TRIP12: variants seen among roughly 807,000 people sequenced by gnomAD.
TRIP12 encodes the protein E3 ubiquitin-protein ligase TRIP12.
A neutral mutation model predicts 244.2 loss-of-function variants in TRIP12; 25 were observed. That is an observed-to-expected ratio of 0.10 (90% CI 0.07 to 0.14). The LOEUF is 0.14. Among genes scored for constraint, TRIP12 ranks in the 10% least tolerant of loss-of-function variants. TRIP12 has a pLI of 1.00. For synonymous variants in TRIP12, 905 were observed against 873.1 expected (o/e 1.04, Z -0.64); for missense variants, 1,677 against 2,486.4 (o/e 0.67, Z 6.92).
At chr2:229,820,283 TC>T (rs1279521243) in intron 8 of TRIP12, among the ~76,000 whole-genome samples, 2 of 151,772 alleles carry the variant, frequency 1.3e-5, no homozygotes, top group Non-Finnish European at 2.9e-5. Flanking sequence ...AGGACATGGA[TC>T]TTATACAGCA....
chr2:229,778,435 A>G lies in TRIP12; in HGVS notation c.5362T>C (p.Leu1788=). 1 of 1,613,980 alleles carries G rather than the reference A, an allele frequency of 6.2e-7. No individual in the cohort carries two copies. The highest frequency in any genetic ancestry group is 2.2e-5 in the East Asian group (1 of 44,878). Residue 1788 remains leucine, a splice_region_variant and synonymous_variant, in exon 36 of 42, where the codon TTG becomes CTG. Coordinates refer to ENST00000675903, the MANE Select transcript of TRIP12 (RefSeq NM_001348323.3). The surrounding 1 kb of genome is among the most constrained non-coding windows in gnomAD (Gnocchi z 4.1). The part of the protein sequence containing the change: ...LMAKAIMDFR[L]VDLPLGLPFY... ...AAAGCAAACCATCCTAAACTTACCA[A>G]TCTGAAATCCATGATAGCCTTGGCC...
intron 6 of TRIP12, among the ~76,000 whole-genome samples, chr2:229,833,230 G>C (rs1395927009): frequency 6.6e-6 from 1 of 152,194 alleles, no homozygotes; most frequent in Non-Finnish European, 1.5e-5. Context: ...ATAATTAAAA[G>C]AGATGCTAAG....
At chr2:229,819,776 T>C (rs1177277568) in intron 8 of TRIP12, among the ~76,000 whole-genome samples, 2 of 152,200 alleles carry the variant, frequency 1.3e-5, no homozygotes, top group Non-Finnish European at 2.9e-5. Flanking sequence ...GATATATGTC[T>C]GGAAACTGTC....
intron 1 of TRIP12, among the ~76,000 whole-genome samples, chr2:229,914,808 T>C (rs766728210): frequency 2.0e-5 from 3 of 152,208 alleles, no homozygotes; most frequent in Non-Finnish European, 4.4e-5. Context: ...GATGGACACT[T>C]AGGCTTATAA....
intron 13 of TRIP12, 40 bp downstream of exon 13, chr2:229,813,830 T>G (rs549566044): frequency 1.5e-6 from 2 of 1,340,496 alleles, no homozygotes; most frequent in African/African-American, 3.0e-5. Flanking sequence ...AAATTAGTAA[T>G]AAAACACTTT....
chr2:229,799,914 G>C (rs1484980418), intron 21 of TRIP12, among the ~76,000 whole-genome samples: 1 of 152,124 alleles, frequency 6.6e-6, no homozygotes, highest in Non-Finnish European at 1.5e-5. Context: ...TAACTATACT[G>C]AACTATGAAA....
intron 32 of TRIP12, 94 bp from the exon 33 acceptor site, chr2:229,787,755 A>G: frequency 6.2e-6 from 7 of 1,129,526 alleles, no homozygotes; most frequent in Non-Finnish European, 8.6e-6. Context: ...AACTTTTGAT[A>G]TGATATAGAA....
In TRIP12 at chr2:229,791,238, T is replaced by G. The variant is rs757346911; in HGVS notation, c.4429A>C (p.Arg1477=). The stretch of plus-strand genomic sequence containing the variant: ...TCTTTATTACTTTCTTCATCCTCTC[T>G]CACAGGTTTATACCTAAAATGACAA... ...KTHTIWYKPV[R]EDEESNKDCV... Residue 1477 remains arginine, a synonymous_variant, in exon 30 of 42, where the codon AGA becomes CGA. Transcript: ENST00000675903. The G allele has an allele frequency of 6.2e-6, 10 of 1,613,960 alleles. No homozygotes were observed. The highest frequency in any genetic ancestry group is 8.5e-6 in the Non-Finnish European group (10 of 1,179,966).
intron 17 of TRIP12, 29 bp from the exon 18 acceptor site, chr2:229,805,912 T>C (rs2045760282): frequency 6.7e-7 from 1 of 1,489,680 alleles, no homozygotes; most frequent in Non-Finnish European, 9.1e-7. Flanking sequence ...AAACTTTGAA[T>C]ATAAACATTG....
In TRIP12 at chr2:229,807,694, G is replaced by A. The variant is rs757270906; in HGVS notation, c.2496+14C>T. The A allele has an allele frequency of 1.2e-6, 2 of 1,614,024 alleles. No homozygotes were observed. The highest frequency in any genetic ancestry group is 2.2e-5 in the East Asian group (1 of 44,876). On this transcript the variant is annotated intron_variant, in intron 17 of 41. Coordinates refer to ENST00000675903, the MANE Select transcript of TRIP12 (RefSeq NM_001348323.3). ...CAAAATAGACACATTTAAACGGTAC[G>A]ATGAAACTACTACCTCAATGATCCG...
intron 4 of TRIP12, among the ~76,000 whole-genome samples, chr2:229,853,445 A>C (rs974438599): frequency 6.6e-6 from 1 of 152,166 alleles, no homozygotes; most frequent in Non-Finnish European, 1.5e-5. Flanking sequence ...AGATCACCTG[A>C]GGTCAGGAGT....
chr2:229,871,193 A>AGAGGG (rs148531139), intron 2 of TRIP12, among the ~76,000 whole-genome samples: 14 of 107,516 alleles, frequency 1.3e-4, no homozygotes, highest in East Asian at 6.3e-4. Flanking sequence ...AGAGGGGAGG[A>AGAGGG]GAGGGGAGGG....
At chr2:229,774,843 A>G (rs1056128013) in intron 37 of TRIP12, among the ~76,000 whole-genome samples, 2 of 152,122 alleles carry the variant, frequency 1.3e-5, no homozygotes, top group African/African-American at 4.8e-5. Flanking sequence ...AAAAAAAAAA[A>G]AGTTCCAAGA....
At chr2:229,826,452 G>C (rs1243993281) in intron 8 of TRIP12, among the ~76,000 whole-genome samples, 1 of 152,174 alleles carries the variant, frequency 6.6e-6, no homozygotes, top group East Asian at 1.9e-4. Context: ...CTATTATTAA[G>C]AAATTACTGT....
At chr2:229,801,958 T>C (rs1238476022) in intron 21 of TRIP12, among the ~76,000 whole-genome samples, 2 of 152,208 alleles carry the variant, frequency 1.3e-5, no homozygotes, top group African/African-American at 4.8e-5. Flanking sequence ...CCCACAATGT[T>C]AGAGCCTACA....
At chr2:229,809,269 A>G (rs1333921246) in intron 15 of TRIP12, among the ~76,000 whole-genome samples, 1 of 152,126 alleles carries the variant, frequency 6.6e-6, no homozygotes, top group Non-Finnish European at 1.5e-5. Flanking sequence ...TTTATAGAGA[A>G]GTTTGAATAC....
intron 32 of TRIP12, 100 bp from the exon 33 acceptor site, chr2:229,787,761 T>A (rs1160405444): frequency 9.3e-7 from 1 of 1,072,308 alleles, no homozygotes; most frequent in African/African-American, 1.6e-5. Flanking sequence ...TGATATGATA[T>A]AGAAAATTGT....
chr2:229,870,113 G>GT (rs2062278974), intron 2 of TRIP12, among the ~76,000 whole-genome samples: 1 of 152,196 alleles, frequency 6.6e-6, no homozygotes, highest in African/African-American at 2.4e-5. Flanking sequence ...GAGTAAAACT[G>GT]TATTAGAACA....
chr2:229,812,321 T>A (rs1453475169), intron 13 of TRIP12, among the ~76,000 whole-genome samples: 1 of 152,162 alleles, frequency 6.6e-6, no homozygotes, highest in Non-Finnish European at 1.5e-5. Flanking sequence ...CCTCAGGTGA[T>A]CCACCTGCCT....
Sources: allele counts gnomAD v4.1 joint callset (sites outside exome capture counted in the v4.1 genomes callset), GRCh38; gene constraint gnomAD v4.1.1; non-coding constraint Gnocchi (gnomAD v3.1); transcripts MANE v1.5; gene names NCBI Gene and HGNC (gene_info 2026-07-23, HGNC 2026-07-21).